Variants in GLI2 observed in about 807,000 individuals in gnomAD.
GLI2 encodes the protein transcription activator GLI2.
Under a neutral mutation model 78.9 loss-of-function variants are expected in GLI2, and 22 were observed. The observed-to-expected ratio is 0.28, with a 90% confidence interval of 0.20 to 0.40. The LOEUF (loss-of-function observed/expected upper bound fraction) is 0.40, where lower values mean the gene tolerates loss of function less well. GLI2 is among the 10% of genes least tolerant of loss of function. The pLI is 1.00. For synonymous variants in GLI2, 974 were observed against 963.7 expected (o/e 1.01, Z -0.20); for missense variants, 2,097 against 2,213.2 (o/e 0.95, Z 1.05).
chr2:120,736,134 C>G lies in GLI2; in HGVS notation c.-182C>G, dbSNP rs1682343640. The G allele has an allele frequency of 6.7e-6, 1 of 150,318 alleles. No individual in the cohort carries two copies. The highest frequency in any genetic ancestry group is 1.5e-5 in the Non-Finnish European group (1 of 67,506). The allele number at this position is 150,318 out of a possible 1,614,324, so 9.3% of individuals were successfully genotyped here. On this transcript the variant is annotated 5_prime_UTR_variant, in exon 1 of 14. Transcript: ENST00000361492. Reference sequence around the variant, plus strand: ...GCCCGCCTCTCGGTCCCCTCTCTTGCCTGGCCCGCCCCGCCCCGGCTGGCT... The same window carrying G: ...GCCCGCCTCTCGGTCCCCTCTCTTGGCTGGCCCGCCCCGCCCCGGCTGGCT...
intron 5 of GLI2, among the ~76,000 whole-genome samples, chr2:120,958,876 C>G (rs925880190): frequency 2.0e-5 from 3 of 152,230 alleles, no homozygotes; most frequent in Admixed American, 2.0e-4. Context: ...CTTCTCCTTA[C>G]GTATGGCCGA....
intron 2 of GLI2, among the ~76,000 whole-genome samples, chr2:120,838,704 A>T (rs1686728701): frequency 6.6e-6 from 1 of 152,258 alleles, no homozygotes; most frequent in Non-Finnish European, 1.5e-5. Context: ...CATATAGGAC[A>T]GTGGTCCCAT....
intron 2 of GLI2, among the ~76,000 whole-genome samples, chr2:120,811,660 C>G (rs1190834045): frequency 6.6e-6 from 1 of 152,040 alleles, no homozygotes; most frequent in Non-Finnish European, 1.5e-5. Flanking sequence ...TGTGGGGAGC[C>G]TGGGATGCCC....
intron 2 of GLI2, among the ~76,000 whole-genome samples, chr2:120,804,356 C>A (rs956648446): frequency 6.6e-6 from 1 of 152,166 alleles, no homozygotes; most frequent in African/African-American, 2.4e-5. Context: ...CCCACATCCC[C>A]GCTTGCAGCA....
chr2:120,807,003 G>C (rs750387706), intron 2 of GLI2, among the ~76,000 whole-genome samples: 1 of 152,186 alleles, frequency 6.6e-6, no homozygotes, highest in African/African-American at 2.4e-5. Flanking sequence ...GAAGGAGTGT[G>C]GTCTCAGTAG....
At position 120,988,274 on chromosome 2, in the gene GLI2, G is replaced by A; in HGVS notation, c.2309G>A (p.Arg770Gln). The change falls in exon 14 of 14, where the codon CGG becomes CAG. Residue 770 changes from arginine to glutamine, a missense_variant. Arg to Gln is a conservative substitution (Grantham distance 43, BLOSUM62 1). Transcript: ENST00000361492. ...GGPAGLLPNP[R>Q]LSELSASEVT... ...CCCGCGGGGCTGCTGCCGAACCCGC[G>A]GCTGTCGGAGCTGTCCGCGAGCGAG... 1 of 1,568,564 alleles carries A rather than the reference G, an allele frequency of 6.4e-7. No individual in the cohort carries two copies. Among genetic ancestry groups the A allele is most frequent in the Non-Finnish European group, 8.6e-7 (1 of 1,162,878 alleles).
chr2:120,829,971 G>A (rs1436349780), intron 2 of GLI2, among the ~76,000 whole-genome samples: 1 of 152,242 alleles, frequency 6.6e-6, no homozygotes. Context: ...CTGCGTGTGT[G>A]TGTGTGTATA....
chr2:120,984,443 C>T, intron 11 of GLI2, 28 bp from the exon 12 acceptor site: 1 of 1,613,270 alleles, frequency 6.2e-7, no homozygotes, highest in Non-Finnish European at 8.5e-7. Flanking sequence ...TACCCCTATC[C>T]ATGACACAGG....
In GLI2 at chr2:120,793,353, C is replaced by T. The variant is rs1319595052; in HGVS notation, c.-30-3938C>T. On this transcript the variant is annotated intron_variant, in intron 1 of 13. Transcript: ENST00000361492. ...TGTGGTAGGTGCTGTGACTCCCAGT[C>T]CCTCTTTTTCTGGAGCTCTGTGGAG... Among the ~76,000 whole-genome samples the T allele has an allele frequency of 2.0e-5, 3 of 152,348 alleles. No individual in the cohort carries two copies. The East Asian group carries it at 5.8e-4, about 29-fold the overall frequency.
chr2:120,948,222 AAGTGC>A (rs1680807786), intron 3 of GLI2, among the ~76,000 whole-genome samples: 1 of 152,172 alleles, frequency 6.6e-6, no homozygotes, highest in Non-Finnish European at 1.5e-5. Flanking sequence ...GCTCGTGGTC[AAGTGC>A]AGTGGTTGGT....
At chr2:120,945,957 TCACACACACA>T (rs3223143) in intron 3 of GLI2, among the ~76,000 whole-genome samples, 3,768 of 134,250 alleles carry the variant, frequency 0.028, 178 homozygotes, top group African/African-American at 0.094. Flanking sequence ...CATAACCTTC[TCACACACACA>T]CACACACACA....
chr2:120,878,296 ATTTC>A (rs1688862065), intron 2 of GLI2, among the ~76,000 whole-genome samples: 1 of 152,194 alleles, frequency 6.6e-6, no homozygotes, highest in Non-Finnish European at 1.5e-5. Context: ...TGTATTAGTT[ATTTC>A]TTCTTGCCAA....
At chr2:120,855,570 A>G (rs1029881723) in intron 2 of GLI2, among the ~76,000 whole-genome samples, 7 of 152,244 alleles carry the variant, frequency 4.6e-5, no homozygotes, top group East Asian at 3.8e-4. Context: ...CAGTTCCCAA[A>G]GCAGGATTCC....
rs192998902 is a variant in GLI2 at position 120,927,855 on chromosome 2, T to A, written c.254+389T>A. Among the ~76,000 whole-genome samples, 38 of 152,348 alleles carry A rather than the reference T, an allele frequency of 2.5e-4. No individual in the cohort carries two copies. In the South Asian group the frequency reaches 3.5e-3, roughly 14 times the overall value. On this transcript the variant is annotated intron_variant, in intron 3 of 13. Coordinates refer to ENST00000361492, the MANE Select transcript of GLI2 (RefSeq NM_001374353.1). The stretch of plus-strand genomic sequence containing the variant: ...AATTCAGAGCACCCTTTTTCACTTC[T>A]TCAAGTGTCCCCCTTTGAATAGTAA...
At chr2:120,760,687 A>G (rs1683188193) in intron 1 of GLI2, among the ~76,000 whole-genome samples, 1 of 152,160 alleles carries the variant, frequency 6.6e-6, no homozygotes, top group Non-Finnish European at 1.5e-5. Flanking sequence ...GGACCACAGA[A>G]GTCAATCTTT....
chr2:120,748,685 A>G (rs1214309416), intron 1 of GLI2, among the ~76,000 whole-genome samples: 1 of 152,208 alleles, frequency 6.6e-6, no homozygotes, highest in African/African-American at 2.4e-5. Flanking sequence ...ATGTGCAGCA[A>G]TGAGATTGAT....
At chr2:120,930,878 A>T (rs979005513) in intron 3 of GLI2, among the ~76,000 whole-genome samples, 3 of 152,188 alleles carry the variant, frequency 2.0e-5, no homozygotes, top group African/African-American at 7.2e-5. Flanking sequence ...GCCATGCTCC[A>T]GCTCTGGGTA....
intron 2 of GLI2, among the ~76,000 whole-genome samples, chr2:120,870,832 G>A (rs142064197): frequency 8.8e-4 from 134 of 152,174 alleles, no homozygotes; most frequent in African/African-American, 3.1e-3. Context: ...GCAGAACCTG[G>A]CGTGTAATAC....
intron 2 of GLI2, among the ~76,000 whole-genome samples, chr2:120,909,074 C>A (rs1349727267): frequency 6.6e-6 from 1 of 152,166 alleles, no homozygotes; most frequent in Non-Finnish European, 1.5e-5. Flanking sequence ...GAGGCTCCCC[C>A]AGTTCCCCGG....
Sources: allele counts gnomAD v4.1 joint callset (sites outside exome capture counted in the v4.1 genomes callset), GRCh38; gene constraint gnomAD v4.1.1; transcripts MANE v1.5; gene names NCBI Gene and HGNC (gene_info 2026-07-23, HGNC 2026-07-21).